COL4A5: variants seen among roughly 807,000 people sequenced by gnomAD.
The protein encoded by COL4A5 is collagen type IV alpha 5 chain.
In COL4A5, 26 loss-of-function variants were observed where a neutral mutation model predicts 130.2. The ratio of observed to expected loss-of-function variants is 0.20; its 90% confidence interval spans 0.15 to 0.28. The LOEUF is 0.28. Among genes scored for constraint, COL4A5 ranks in the 10% least tolerant of loss-of-function variants. The pLI, the probability that COL4A5 is intolerant of heterozygous loss-of-function variation, is 1.00. For synonymous variants in COL4A5, 496 were observed against 439.6 expected, an observed-to-expected ratio of 1.13 and a Z score of -1.60; for missense variants, 1,131 against 1,344.3, an observed-to-expected ratio of 0.84 and a Z score of 2.48.
intron 49 of COL4A5, chrX:108,689,705 C>A (rs1277095828): frequency 1.3e-6 from 1 of 751,944 alleles, no homozygotes; most frequent in Non-Finnish European, 1.6e-6. Context: ...ACCTCCTGAT[C>A]GAATAAATGC....
At chrX:108,617,920 G>A (rs192173181) in intron 30 of COL4A5, among the ~76,000 whole-genome samples, 85 of 112,115 alleles carry the variant, frequency 7.6e-4, no homozygotes, top group African/African-American at 2.6e-3. Flanking sequence ...AATTATTCAT[G>A]TCATTTTCAT....
At chrX:108,566,965 C>T (rs1264668532) in intron 4 of COL4A5, among the ~76,000 whole-genome samples, 2 of 111,753 alleles carry the variant, frequency 1.8e-5, no homozygotes, top group African/African-American at 6.5e-5. Flanking sequence ...ATTATCTCTT[C>T]CCCTCATCTC....
rs148973539 is a variant in COL4A5 at position 108,522,179 on chromosome X, A to G, written c.82-17567A>G. On this transcript the variant is annotated intron_variant, in intron 1 of 52. Transcript: ENST00000328300. ...TGCCAAATAATATTATATTGTATGCATATACTACATTTTGTTTTTCAGTTC... is the reference window on the plus strand; with the variant it reads ...TGCCAAATAATATTATATTGTATGCGTATACTACATTTTGTTTTTCAGTTC... Among the ~76,000 whole-genome samples, 915 of 110,995 alleles carry G rather than the reference A, an allele frequency of 8.2e-3. 5 individuals carry two copies. The highest frequency in any genetic ancestry group is 0.016 in the Admixed American group (161 of 10,307).
intron 1 of COL4A5, among the ~76,000 whole-genome samples, chrX:108,493,768 A>G (rs1476700412): frequency 9.4e-6 from 1 of 106,156 alleles, no homozygotes; most frequent in Non-Finnish European, 1.9e-5. Context: ...AGAGTTAACC[A>G]GCATTTATAT....
intron 48 of COL4A5, among the ~76,000 whole-genome samples, chrX:108,686,877 A>C (rs2068555322): frequency 8.9e-6 from 1 of 112,100 alleles, no homozygotes. Flanking sequence ...ATGCCCTGAC[A>C]TTTCATTAAT....
intron 1 of COL4A5, among the ~76,000 whole-genome samples, chrX:108,475,356 C>T (rs1383209664): frequency 9.0e-6 from 1 of 111,166 alleles, no homozygotes; most frequent in African/African-American, 3.3e-5. Context: ...TTAATATGCA[C>T]AATTATGGTG....
intron 2 of COL4A5, among the ~76,000 whole-genome samples, chrX:108,544,225 G>T (rs2065602758): frequency 8.9e-6 from 1 of 111,976 alleles, no homozygotes; most frequent in Non-Finnish European, 1.9e-5. Flanking sequence ...TGCCCATTCA[G>T]TATGATGTTG....
In COL4A5 at chrX:108,532,694, G is replaced by A. The variant is rs573712752; in HGVS notation, c.82-7052G>A. On this transcript the variant is annotated intron_variant, in intron 1 of 52. Transcript: ENST00000328300. ...AAGCTTAAAGAATGAATTCAGTGAA[G>A]TTGCAGGATACAAAATCAATGTACA... Among the ~76,000 whole-genome samples, 12 of 111,518 alleles carry A rather than the reference G, an allele frequency of 1.1e-4. No individual in the cohort carries two copies. In the Admixed American group the frequency reaches 1.1e-3, roughly 11 times the overall value.
At chrX:108,450,961 A>T (rs1469538674) in intron 1 of COL4A5, among the ~76,000 whole-genome samples, 1 of 108,682 alleles carries the variant, frequency 9.2e-6, no homozygotes, top group Non-Finnish European at 1.9e-5. Flanking sequence ...ATCATTTAGC[A>T]TTAGGTATAT....
At chrX:108,641,437 G>A (rs997449784) in intron 36 of COL4A5, among the ~76,000 whole-genome samples, 6 of 111,686 alleles carry the variant, frequency 5.4e-5, no homozygotes, top group Non-Finnish European at 9.4e-5. Context: ...AGCATACAGA[G>A]GTACGCATTG....
intron 1 of COL4A5, among the ~76,000 whole-genome samples, chrX:108,471,269 C>T (rs1370068466): frequency 8.9e-6 from 1 of 112,057 alleles, no homozygotes; most frequent in Non-Finnish European, 1.9e-5. Flanking sequence ...TGATTCTTCT[C>T]ATCTGTAAGC....
chrX:108,471,385 C>T (rs1203399837), intron 1 of COL4A5, among the ~76,000 whole-genome samples: 1 of 111,241 alleles, frequency 9.0e-6, no homozygotes. Flanking sequence ...TATATTCCTA[C>T]ATATTTTTTG....
intron 1 of COL4A5, among the ~76,000 whole-genome samples, chrX:108,525,099 C>T (rs2065300188): frequency 9.0e-6 from 1 of 111,351 alleles, no homozygotes; most frequent in African/African-American, 3.3e-5. Flanking sequence ...GTATTGAAGT[C>T]CCCAACTATT....
chrX:108,522,902 G>C (rs1183582317), intron 1 of COL4A5, among the ~76,000 whole-genome samples: 4 of 102,036 alleles, frequency 3.9e-5, no homozygotes, highest in African/African-American at 1.5e-4. Flanking sequence ...TTTTGAGACA[G>C]AGTCTTGCTC....
intron 2 of COL4A5, 76 bp from the exon 3 acceptor site, chrX:108,558,988 A>T (rs2065866282): frequency 5.0e-6 from 4 of 793,811 alleles, no homozygotes; most frequent in African/African-American, 2.0e-5. Context: ...TAGTCATGTG[A>T]TCTTTTTGAA....
intron 19 of COL4A5, among the ~76,000 whole-genome samples, chrX:108,590,465 C>A (rs2066413797): frequency 9.0e-6 from 1 of 110,842 alleles, no homozygotes; most frequent in South Asian, 3.7e-4. Flanking sequence ...TGTGAAAAAC[C>A]AATATAATAA....
intron 36 of COL4A5, among the ~76,000 whole-genome samples, chrX:108,642,841 C>G: frequency 2.1e-5 from 2 of 96,510 alleles, no homozygotes; most frequent in South Asian, 9.6e-4. Context: ...TTAACACTCC[C>G]CCTCTCCAAA....
intron 38 of COL4A5, 81 bp downstream of exon 38, chrX:108,665,668 AG>A (rs2068063246): frequency 1.5e-6 from 1 of 673,238 alleles, no homozygotes; most frequent in Middle Eastern, 4.1e-4. Flanking sequence ...AATCATGTTC[AG>A]CTGTGAACAT....
At chrX:108,597,691 T>A in intron 24 of COL4A5, 123 bp downstream of exon 24, 1 of 629,887 alleles carries the variant, frequency 1.6e-6, no homozygotes, top group Non-Finnish European at 2.6e-6. Context: ...TAAAACAATG[T>A]GACCATACAG....
Sources: allele counts gnomAD v4.1 joint callset (sites outside exome capture counted in the v4.1 genomes callset), GRCh38; gene constraint gnomAD v4.1.1; transcripts MANE v1.5; gene names NCBI Gene and HGNC (gene_info 2026-07-23, HGNC 2026-07-21).